The following NUP93 variants were observed in gnomAD, a reference collection of about 807,000 sequenced individuals.
The protein encoded by NUP93 is nuclear pore complex protein Nup93.
A neutral mutation model predicts 107.8 loss-of-function variants in NUP93; 55 were observed. That is an observed-to-expected ratio of 0.51 (90% CI 0.41 to 0.64). The LOEUF is 0.64. NUP93 is among the 30% of genes least tolerant of loss of function. The pLI, the probability that NUP93 is intolerant of heterozygous loss-of-function variation, is 0.00. For missense variants in NUP93, 937 were observed against 1,044.7 expected (o/e 0.90, Z 1.42); for synonymous variants, 390 against 397.5 (o/e 0.98, Z 0.22).
chr16:56,742,331 A>G (rs1271368042), intron 1 of NUP93, among the ~76,000 whole-genome samples: 2 of 152,256 alleles, frequency 1.3e-5, no homozygotes, highest in South Asian at 2.1e-4. Context: ...CTTAGGCCCA[A>G]GAGTTGGCAA....
At chr16:56,838,087 G>A (rs1276728985) in intron 18 of NUP93, among the ~76,000 whole-genome samples, 2 of 152,172 alleles carry the variant, frequency 1.3e-5, no homozygotes, top group Non-Finnish European at 2.9e-5. Flanking sequence ...TGGTTGGATG[G>A]GGGAGATTCT....
chr16:56,794,734 C>G (rs1962852822), intron 3 of NUP93, among the ~76,000 whole-genome samples: 1 of 151,780 alleles, frequency 6.6e-6, no homozygotes, highest in Non-Finnish European at 1.5e-5. Flanking sequence ...CGAGACCATC[C>G]TGGCTAACAC....
chr16:56,830,711 A>G, intron 10 of NUP93, 26 bp downstream of exon 10: 1 of 1,523,794 alleles, frequency 6.6e-7, no homozygotes, highest in South Asian at 1.2e-5. Context: ...TGGCACGCCC[A>G]GGGGCAGCCA....
In NUP93 at chr16:56,836,595, T is replaced by G. The variant is rs1218117832; in HGVS notation, c.1783-6T>G. 2 of 1,569,664 alleles carry G rather than the reference T, an allele frequency of 1.3e-6. No homozygotes were observed. The highest frequency in any genetic ancestry group is 1.8e-6 in the Non-Finnish European group (2 of 1,140,724). On this transcript the variant is annotated splice_polypyrimidine_tract_variant and splice_region_variant and intron_variant, in intron 16 of 21. Coordinates refer to ENST00000308159, the MANE Select transcript of NUP93 (RefSeq NM_014669.5). The stretch of plus-strand genomic sequence containing the variant: ...CTTCCTCCCCCTCCATAATTTGTCT[T>G]GTCAGCCTGGAGTCATAGATAAGTT...
chr16:56,785,560 C>G (rs1211577488), intron 3 of NUP93, among the ~76,000 whole-genome samples: 1 of 152,162 alleles, frequency 6.6e-6, no homozygotes, highest in Non-Finnish European at 1.5e-5. Flanking sequence ...TTTTACTGCT[C>G]TGACAGTACC....
rs571400649 is a variant in NUP93, at chr16:56,789,652, G to A, written c.298-8824G>A. On this transcript the variant is annotated intron_variant, in intron 3 of 21. Transcript: ENST00000308159. ...AGAGCAACTAGGCTTTTGCATAAAT[G>A]CACAGCAAGAAATCATATAACAGCA... 2.0e-5 allele frequency among the ~76,000 whole-genome samples: 3 copies of A among 152,340 alleles called. No homozygotes were observed. The East Asian group carries it at 5.8e-4, about 29-fold the overall frequency.
chr16:56,834,540 A>G lies in NUP93; in HGVS notation c.1737+98A>G, dbSNP rs1359328525. The G allele has an allele frequency of 7.5e-6, 10 of 1,333,318 alleles. No homozygotes were observed. The African/African-American group carries it at 1.2e-4, about 16-fold the overall frequency. 82.6% of individuals were successfully genotyped at this position (1,333,318 alleles called of 1,614,324 possible). ...GTTTACTTCAATATGGTTGTGGTGG[A>G]TAAGGCCTAGGGAGTTTTTGGAGTT... On this transcript the variant is annotated intron_variant, in intron 15 of 21. Transcript: ENST00000308159.
intron 3 of NUP93, among the ~76,000 whole-genome samples, chr16:56,770,103 G>A (rs1029577816): frequency 5.3e-5 from 8 of 152,148 alleles, no homozygotes; most frequent in African/African-American, 1.7e-4. Context: ...GTACTCTTTG[G>A]GCTATCTGGC....
intron 3 of NUP93, 43 bp downstream of exon 3, chr16:56,758,698 C>A: frequency 2.2e-6 from 3 of 1,367,616 alleles, no homozygotes; most frequent in Non-Finnish European, 3.1e-6. Flanking sequence ...GCATATAACC[C>A]AGGCTGAAGA....
intron 3 of NUP93, among the ~76,000 whole-genome samples, chr16:56,776,512 T>G (rs1232012812): frequency 6.6e-6 from 1 of 152,234 alleles, no homozygotes; most frequent in African/African-American, 2.4e-5. Context: ...ATGTTCAGCT[T>G]TAGTATTCCT....
At chr16:56,785,842 T>C (rs1962615281) in intron 3 of NUP93, among the ~76,000 whole-genome samples, 1 of 152,240 alleles carries the variant, frequency 6.6e-6, no homozygotes, top group Non-Finnish European at 1.5e-5. Context: ...CTTCAAATGT[T>C]CCTTCTAAGA....
At chr16:56,740,118 G>T (rs1462440141) in intron 1 of NUP93, among the ~76,000 whole-genome samples, 1 of 110,382 alleles carries the variant, frequency 9.1e-6, no homozygotes, top group Non-Finnish European at 1.9e-5. Context: ...CTGGCCAGGC[G>T]GGGGGCTGAC....
At chr16:56,791,524 G>C (rs541902563) in intron 3 of NUP93, among the ~76,000 whole-genome samples, 69 of 152,302 alleles carry the variant, frequency 4.5e-4, no homozygotes, top group Admixed American at 1.8e-3. Flanking sequence ...GCCATTTGGC[G>C]AAAACAAACA....
intron 2 of NUP93, among the ~76,000 whole-genome samples, chr16:56,750,691 G>GTA (rs1961902558): frequency 6.6e-6 from 1 of 152,132 alleles, no homozygotes; most frequent in African/African-American, 2.4e-5. Context: ...AGGCTTATTT[G>GTA]TATTGTCTGT....
intron 3 of NUP93, among the ~76,000 whole-genome samples, chr16:56,767,986 A>T (rs1212122016): frequency 6.6e-6 from 1 of 152,212 alleles, no homozygotes; most frequent in Admixed American, 6.5e-5. Flanking sequence ...AAAATATAAC[A>T]AAAATGAATT....
Position 56,840,022 on chromosome 16 carries a change from A to AT in NUP93, c.2220+425dup, listed in dbSNP as rs202069321. On this transcript the variant is annotated intron_variant, in intron 20 of 21. Coordinates refer to ENST00000308159, the MANE Select transcript of NUP93 (RefSeq NM_014669.5). ...TTTGCCCTCCCTTATCTGTTTTGGG[A>AT]TTTTTTTGTTTTTGAAACGGAGGAG... The AT allele has an allele frequency of 5.6e-3, 996 of 176,606 alleles. 19 individuals carry two copies. The highest frequency in any genetic ancestry group is 0.023 in the African/African-American group (960 of 41,630). 10.9% of individuals were successfully genotyped at this position (176,606 alleles called of 1,614,324 possible). A position where few individuals can be genotyped will look rare whatever the true frequency, so the allele number is the denominator to read the frequency against.
chr16:56,749,318 C>T lies in NUP93; in HGVS notation c.179+892C>T, dbSNP rs115996506. Among the ~76,000 whole-genome samples, 722 of 152,300 alleles carry T rather than the reference C, an allele frequency of 4.7e-3. 7 individuals carry two copies. Among genetic ancestry groups the T allele is most frequent in the African/African-American group, 0.016 (672 of 41,550 alleles). ...CACAACCATCATTAGGCTACAATCT[C>T]CACATTAGAGTTGAGCAACAAAGGC... is the stretch of plus-strand genomic sequence containing the variant. On this transcript the variant is annotated intron_variant, in intron 2 of 21. Transcript: ENST00000308159.
At chr16:56,765,159 T>A (rs763586107) in intron 3 of NUP93, among the ~76,000 whole-genome samples, 2 of 152,234 alleles carry the variant, frequency 1.3e-5, no homozygotes, top group Non-Finnish European at 2.9e-5. Flanking sequence ...GATTTTGAAC[T>A]GATGGACTGT....
chr16:56,820,163 ATAT>A (rs1963513902), intron 6 of NUP93, among the ~76,000 whole-genome samples: 1 of 152,220 alleles, frequency 6.6e-6, no homozygotes, highest in East Asian at 1.9e-4. Context: ...CAACACCGTA[ATAT>A]TGTGTCTGTT....
Sources: gnomAD v4.1 joint callset for allele counts (sites outside exome capture counted in the v4.1 genomes callset) on GRCh38, gnomAD v4.1.1 for gene constraint, MANE v1.5 for transcripts, NCBI Gene and HGNC (gene_info 2026-07-23, HGNC 2026-07-21) for gene names.